CCSER1: variants seen among roughly 807,000 people sequenced by gnomAD.
The protein encoded by CCSER1 is coiled-coil serine rich protein 1.
A neutral mutation model predicts 82.0 loss-of-function variants in CCSER1; 41 were observed. The ratio of observed to expected loss-of-function variants is 0.50; its 90% confidence interval spans 0.39 to 0.65. The LOEUF is 0.65. Among genes scored for constraint, CCSER1 ranks in the 30% least tolerant of loss-of-function variants. The pLI is 0.00. For missense variants in CCSER1, 1,119 were observed against 1,064.2 expected (o/e 1.05, Z -0.72); for synonymous variants, 414 against 383.9 (o/e 1.08, Z -0.92).
intron 1 of CCSER1, among the ~76,000 whole-genome samples, chr4:90,226,369 G>A (rs890208685): frequency 1.3e-5 from 2 of 152,186 alleles, no homozygotes; most frequent in Non-Finnish European, 2.9e-5. Context: ...ACTGAAGACC[G>A]AGTGTTAGTT....
At chr4:90,455,196 G>C (rs116369693) in intron 4 of CCSER1, among the ~76,000 whole-genome samples, 2,176 of 152,304 alleles carry the variant, frequency 0.014, 29 homozygotes, top group African/African-American at 0.042. Context: ...CTACAGAAAA[G>C]TTCCAGCTTC....
intron 4 of CCSER1, among the ~76,000 whole-genome samples, chr4:90,401,653 C>T (rs946297193): frequency 2.6e-5 from 4 of 152,116 alleles, no homozygotes; most frequent in Non-Finnish European, 5.9e-5. Flanking sequence ...CCCATCTCAG[C>T]CTCCCAAGTA....
chr4:91,430,636 A>G (rs1220391143), intron 10 of CCSER1, among the ~76,000 whole-genome samples: 3 of 152,262 alleles, frequency 2.0e-5, no homozygotes, highest in Non-Finnish European at 4.4e-5. Flanking sequence ...CAAAAAAAGA[A>G]AACATTATGA....
At chr4:90,827,428 G>A (rs1264713965) in intron 8 of CCSER1, among the ~76,000 whole-genome samples, 1 of 152,126 alleles carries the variant, frequency 6.6e-6, no homozygotes, top group Non-Finnish European at 1.5e-5. Context: ...TCAAGGTGGG[G>A]TAGCAATTTA....
intron 5 of CCSER1, among the ~76,000 whole-genome samples, chr4:90,510,164 C>A (rs2153616522): frequency 6.6e-6 from 1 of 152,160 alleles, no homozygotes; most frequent in South Asian, 2.1e-4. Flanking sequence ...ATAAATATAT[C>A]CTATAATATG....
At chr4:91,568,996 G>T (rs1286843358) in intron 10 of CCSER1, among the ~76,000 whole-genome samples, 1 of 152,154 alleles carries the variant, frequency 6.6e-6, no homozygotes, top group Non-Finnish European at 1.5e-5. Context: ...CTGCAGTGTG[G>T]ATTGAGTGGA....
At chr4:91,109,472 G>T (rs531064642) in intron 10 of CCSER1, among the ~76,000 whole-genome samples, 1 of 151,842 alleles carries the variant, frequency 6.6e-6, no homozygotes, top group South Asian at 2.1e-4. Flanking sequence ...GATTATTGAG[G>T]GTAGGTAGTC....
chr4:90,597,503 C>T (rs1006722742), intron 5 of CCSER1, among the ~76,000 whole-genome samples: 2 of 151,888 alleles, frequency 1.3e-5, no homozygotes, highest in Non-Finnish European at 2.9e-5. Flanking sequence ...AGATAGTGAT[C>T]GTAACACCTC....
chr4:90,909,604 C>G (rs1372694970), intron 8 of CCSER1, among the ~76,000 whole-genome samples: 1 of 152,192 alleles, frequency 6.6e-6, no homozygotes, highest in Non-Finnish European at 1.5e-5. Context: ...TGATCAGTCA[C>G]TAAATGCCCA....
At chr4:90,213,387 A>G (rs567811500) in intron 1 of CCSER1, among the ~76,000 whole-genome samples, 20 of 152,270 alleles carry the variant, frequency 1.3e-4, no homozygotes, top group African/African-American at 4.6e-4. Context: ...TGAGATGTCT[A>G]TTGGACATCT....
chr4:90,134,378 G>A lies in CCSER1; in HGVS notation c.-42+6547G>A, dbSNP rs151113184. 2.1e-3 allele frequency among the ~76,000 whole-genome samples: 318 copies of A among 152,076 alleles called. 4 individuals carry two copies. Among genetic ancestry groups the A allele is most frequent in the African/African-American group, 6.6e-3 (273 of 41,462 alleles). On this transcript the variant is annotated intron_variant, in intron 1 of 10. Coordinates refer to ENST00000509176, the MANE Select transcript of CCSER1 (RefSeq NM_001145065.2). ...TGAATGATGCTGCCATTGCTTCTTG[G>A]GTCACTGAGGACTTGGAGATGGAGG...
chr4:91,343,019 A>T (rs1747818994), intron 10 of CCSER1, among the ~76,000 whole-genome samples: 2 of 152,104 alleles, frequency 1.3e-5, no homozygotes, highest in Non-Finnish European at 2.9e-5. Context: ...TAAAAAATTC[A>T]GTGAAGATAC....
At chr4:91,314,475 T>G (rs1024992922) in intron 10 of CCSER1, among the ~76,000 whole-genome samples, 3 of 152,038 alleles carry the variant, frequency 2.0e-5, no homozygotes, top group Admixed American at 2.0e-4. Flanking sequence ...ACCAATTAAG[T>G]TTAACTTAAT....
At chr4:90,329,042 G>T (rs1738775489) in intron 3 of CCSER1, among the ~76,000 whole-genome samples, 1 of 152,128 alleles carries the variant, frequency 6.6e-6, no homozygotes, top group Admixed American at 6.5e-5. Flanking sequence ...TTCATATGCT[G>T]TAAGAATATG....
At chr4:91,354,055 A>C (rs114557395) in intron 10 of CCSER1, among the ~76,000 whole-genome samples, 237 of 152,330 alleles carry the variant, frequency 1.6e-3, no homozygotes, top group African/African-American at 5.6e-3. Flanking sequence ...ATTTTGATAG[A>C]TAGCATTTCT....
At chr4:91,395,087 A>G (rs112266846) in intron 10 of CCSER1, among the ~76,000 whole-genome samples, 16 of 152,180 alleles carry the variant, frequency 1.1e-4, no homozygotes, top group African/African-American at 3.1e-4. Context: ...GAAACTTTCA[A>G]AATATTATGG....
At chr4:90,560,251 T>C (rs1010756986) in intron 5 of CCSER1, among the ~76,000 whole-genome samples, 9 of 152,110 alleles carry the variant, frequency 5.9e-5, no homozygotes, top group Non-Finnish European at 1.2e-4. Flanking sequence ...GGTGCACTTT[T>C]AGAGAATATC....
intron 10 of CCSER1, among the ~76,000 whole-genome samples, chr4:91,458,251 A>G (rs1442138309): frequency 6.6e-6 from 1 of 151,794 alleles, no homozygotes; most frequent in Non-Finnish European, 1.5e-5. Flanking sequence ...TATTAAAGAG[A>G]CTCTTCCCCA....
intron 1 of CCSER1, among the ~76,000 whole-genome samples, chr4:90,297,787 G>A (rs1732269000): frequency 6.6e-6 from 1 of 152,076 alleles, no homozygotes; most frequent in Non-Finnish European, 1.5e-5. Flanking sequence ...TTTATATGCT[G>A]GATTACATTT....
Sources: gnomAD v4.1 joint callset for allele counts (sites outside exome capture counted in the v4.1 genomes callset) on GRCh38, gnomAD v4.1.1 for gene constraint, MANE v1.5 for transcripts, NCBI Gene and HGNC (gene_info 2026-07-23, HGNC 2026-07-21) for gene names.